THSD4: variants seen among roughly 807,000 people sequenced by gnomAD.
The protein encoded by THSD4 is thrombospondin type 1 domain containing 4, also known as thrombospondin type-1 domain-containing protein 4.
THSD4 carries 69 observed loss-of-function variants against 119.0 expected under a neutral mutation model. The observed-to-expected ratio is 0.58, with a 90% CI of 0.48 to 0.71. THSD4 has a LOEUF of 0.71. THSD4 is among the 30% of genes least tolerant of loss of function. The pLI is 0.00. For synonymous variants in THSD4, 524 were observed against 540.4 expected, an observed-to-expected ratio of 0.97 and a Z score of 0.42; for missense variants, 1,393 against 1,391.1, an observed-to-expected ratio of 1.00 and a Z score of -0.02.
chr15:71,158,791 C>T (rs2043225766), intron 3 of THSD4, among the ~76,000 whole-genome samples: 3 of 152,090 alleles, frequency 2.0e-5, no homozygotes, highest in Admixed American at 2.0e-4. Context: ...TACACCCCCT[C>T]ACTTCACTGT....
intron 7 of THSD4, among the ~76,000 whole-genome samples, chr15:71,583,561 C>G (rs1374480263): frequency 7.3e-6 from 1 of 136,406 alleles, no homozygotes; most frequent in Non-Finnish European, 1.7e-5. Flanking sequence ...CCTCTTAGAA[C>G]TGCTTTTGCT....
chr15:71,218,995 A>G (rs554808479), intron 4 of THSD4, among the ~76,000 whole-genome samples: 64 of 152,334 alleles, frequency 4.2e-4, no homozygotes, highest in African/African-American at 1.5e-3. Context: ...GACAGGCTAG[A>G]GCAGTTGTTT....
chr15:71,505,362 T>C lies in THSD4; in HGVS notation c.1152+93539T>C, dbSNP rs567509538. 4.6e-5 allele frequency among the ~76,000 whole-genome samples: 7 copies of C among 152,324 alleles called. No individual in the cohort carries two copies. The South Asian group carries it at 1.2e-3, about 27-fold the overall frequency. ...TCGTTGAGTATCTGTTTAAACATTG[T>C]CCAAGAGAGTGAATGAAACAGACAT... On this transcript the variant is annotated intron_variant, in intron 7 of 17. Coordinates refer to ENST00000261862, the MANE Select transcript of THSD4 (RefSeq NM_024817.3).
At chr15:71,564,671 TATAACATATAATACAATATATAGTATAAC>T (rs1450827054) in intron 7 of THSD4, among the ~76,000 whole-genome samples, 2 of 18,588 alleles carry the variant, frequency 1.1e-4, no homozygotes, top group Non-Finnish European at 2.5e-4. Context: ...TATAGTATAT[TATAACATATAATACAATATATAGTATAAC>T]ATATAATACA....
intron 4 of THSD4, among the ~76,000 whole-genome samples, chr15:71,232,709 A>G (rs775134302): frequency 3.3e-5 from 5 of 152,186 alleles, no homozygotes; most frequent in Non-Finnish European, 7.3e-5. Flanking sequence ...CCGGAGTTGA[A>G]TCTGGGAAGA....
chr15:71,570,652 C>G lies in THSD4; in HGVS notation c.1153-89878C>G, dbSNP rs542488453. On this transcript the variant is annotated intron_variant, in intron 7 of 17. Transcript: ENST00000261862. Reference sequence around the variant, plus strand: ...CTACTTCATAATCTGGGAGCAAAACCCTGGTGATGGGAATATGGACATTTG... The same window carrying G: ...CTACTTCATAATCTGGGAGCAAAACGCTGGTGATGGGAATATGGACATTTG... Among the ~76,000 whole-genome samples, 5 of 152,216 alleles carry G rather than the reference C, an allele frequency of 3.3e-5. 1 individual carries two copies. The highest frequency in any genetic ancestry group is 9.6e-5 in the African/African-American group (4 of 41,542).
intron 13 of THSD4, 103 bp from the exon 14 acceptor site, chr15:71,748,318 C>T (rs1293562113): frequency 1.4e-6 from 2 of 1,406,438 alleles, no homozygotes; most frequent in Non-Finnish European, 2.0e-6. Context: ...GACAGAGCCT[C>T]AGTCTCATGG....
intron 11 of THSD4, among the ~76,000 whole-genome samples, chr15:71,739,314 G>A (rs1355552881): frequency 6.6e-6 from 1 of 152,170 alleles, no homozygotes; most frequent in Admixed American, 6.5e-5. Context: ...CACACCGGAG[G>A]AAGCATGGGG....
chr15:71,528,244 G>A (rs1283229586), intron 7 of THSD4, among the ~76,000 whole-genome samples: 1 of 152,118 alleles, frequency 6.6e-6, no homozygotes, highest in Non-Finnish European at 1.5e-5. Flanking sequence ...ATAAGAATGA[G>A]AGGTAAATGC....
chr15:71,578,653 G>A (rs7168172), intron 7 of THSD4, among the ~76,000 whole-genome samples: 42,505 of 151,734 alleles, frequency 0.28, 6,679 homozygotes, highest in East Asian at 0.45. Flanking sequence ...ATACTCTTAA[G>A]TGTACTCTTC....
chr15:71,199,093 T>C (rs2043745551), intron 3 of THSD4, among the ~76,000 whole-genome samples: 1 of 152,198 alleles, frequency 6.6e-6, no homozygotes, highest in Admixed American at 6.5e-5. Flanking sequence ...CTGGCCTCCC[T>C]GGACTCTGCA....
chr15:71,336,085 T>C (rs960275090), intron 6 of THSD4, among the ~76,000 whole-genome samples: 3 of 152,172 alleles, frequency 2.0e-5, no homozygotes, highest in Admixed American at 6.5e-5. Flanking sequence ...GGAAATAAAG[T>C]GATGGAGGCC....
intron 6 of THSD4, among the ~76,000 whole-genome samples, chr15:71,326,169 T>C (rs1264144243): frequency 6.6e-6 from 1 of 152,184 alleles, no homozygotes; most frequent in Non-Finnish European, 1.5e-5. Flanking sequence ...TAATGTGACC[T>C]AGAACAAGTG....
chr15:71,452,297 G>T (rs1384392241), intron 7 of THSD4, among the ~76,000 whole-genome samples: 1 of 152,104 alleles, frequency 6.6e-6, no homozygotes, highest in Non-Finnish European at 1.5e-5. Context: ...ATTTGGGAAG[G>T]AGGACCCAAG....
intron 6 of THSD4, among the ~76,000 whole-genome samples, chr15:71,326,536 G>T (rs1019157014): frequency 6.7e-6 from 1 of 149,594 alleles, no homozygotes; most frequent in Non-Finnish European, 1.5e-5. Flanking sequence ...AATCAGCCAG[G>T]TGTGGTGGCA....
At chr15:71,500,889 T>C (rs1401401657) in intron 7 of THSD4, among the ~76,000 whole-genome samples, 1 of 152,262 alleles carries the variant, frequency 6.6e-6, no homozygotes, top group Non-Finnish European at 1.5e-5. Context: ...CTTTGTAATA[T>C]GTTTTGAATC....
chr15:71,479,083 T>C (rs1342049056), intron 7 of THSD4, among the ~76,000 whole-genome samples: 1 of 32,930 alleles, frequency 3.0e-5, no homozygotes, highest in Non-Finnish European at 8.2e-5. Flanking sequence ...AGGCAGAGTG[T>C]ATTTTTTTTT....
At chr15:71,320,926 T>C (rs1465223277) in intron 6 of THSD4, among the ~76,000 whole-genome samples, 3 of 152,236 alleles carry the variant, frequency 2.0e-5, no homozygotes, top group Non-Finnish European at 2.9e-5. Flanking sequence ...TTCTTTTGTA[T>C]TTATTTTACT....
intron 7 of THSD4, among the ~76,000 whole-genome samples, chr15:71,654,657 T>C (rs1267656384): frequency 6.6e-6 from 1 of 152,210 alleles, no homozygotes; most frequent in East Asian, 1.9e-4. Flanking sequence ...CAGAATGTCA[T>C]GAATAAACGT....
Sources: gnomAD v4.1 joint callset for allele counts (sites outside exome capture counted in the v4.1 genomes callset) on GRCh38, gnomAD v4.1.1 for gene constraint, MANE v1.5 for transcripts, NCBI Gene and HGNC (gene_info 2026-07-23, HGNC 2026-07-21) for gene names.